Variants in NTNG1 observed in about 807,000 individuals in gnomAD.
NTNG1 encodes netrin-G1.
Under a neutral mutation model 54.0 loss-of-function variants are expected in NTNG1, and 16 were observed. The ratio of observed to expected loss-of-function variants is 0.30; its 90% CI spans 0.20 to 0.45. The LOEUF is 0.45. NTNG1 is among the 20% of genes least tolerant of loss of function. The pLI is 1.00. For synonymous variants in NTNG1, 255 were observed against 263.1 expected (o/e 0.97, Z 0.30); for missense variants, 530 against 678.7 (o/e 0.78, Z 2.43).
At chr1:107,290,031 A>G (rs552670166) in intron 2 of NTNG1, among the ~76,000 whole-genome samples, 1 of 152,262 alleles carries the variant, frequency 6.6e-6, no homozygotes, top group South Asian at 2.1e-4. Context: ...TTCTGTATTT[A>G]TTTCAACAAG....
chr1:107,382,747 GT>G (rs1280935756), intron 3 of NTNG1, among the ~76,000 whole-genome samples: 9 of 150,318 alleles, frequency 6.0e-5, no homozygotes, highest in South Asian at 2.1e-4. Flanking sequence ...TGGGTTTTTG[GT>G]TTTGTTTTCC....
chr1:107,385,561 T>C (rs1443720200), intron 3 of NTNG1, among the ~76,000 whole-genome samples: 1 of 151,468 alleles, frequency 6.6e-6, no homozygotes, highest in Non-Finnish European at 1.5e-5. Flanking sequence ...TACTGGTGAC[T>C]GTGTACCCAG....
intron 7 of NTNG1, 23 bp from the exon 8 acceptor site, chr1:107,480,588 C>CCCCA: frequency 2.7e-6 from 3 of 1,119,758 alleles, no homozygotes; most frequent in East Asian, 2.5e-5. Context: ...CCACCCACCC[C>CCCCA]TACCTTCCCC....
At chr1:107,389,651 C>T (rs561846699) in intron 3 of NTNG1, among the ~76,000 whole-genome samples, 108 of 152,292 alleles carry the variant, frequency 7.1e-4, no homozygotes, top group African/African-American at 2.5e-3. Flanking sequence ...CTTAGCGACA[C>T]CCTTATTTGG....
intron 2 of NTNG1, among the ~76,000 whole-genome samples, chr1:107,182,152 A>G (rs908456965): frequency 6.6e-6 from 1 of 152,208 alleles, no homozygotes; most frequent in Non-Finnish European, 1.5e-5. Context: ...ATTTGAATGC[A>G]TAAATGTATT....
intron 2 of NTNG1, among the ~76,000 whole-genome samples, chr1:107,151,637 A>G (rs560695690): frequency 1.3e-5 from 2 of 152,272 alleles, no homozygotes; most frequent in Admixed American, 1.3e-4. Context: ...AGAAATACCT[A>G]TAATTCCCAG....
intron 7 of NTNG1, among the ~76,000 whole-genome samples, chr1:107,475,442 A>G (rs751034323): frequency 6.6e-6 from 1 of 152,168 alleles, no homozygotes; most frequent in East Asian, 1.9e-4. Context: ...TATGCAAGCA[A>G]ATTACATAGC....
chr1:107,281,797 C>T (rs1664877585), intron 2 of NTNG1, among the ~76,000 whole-genome samples: 2 of 152,092 alleles, frequency 1.3e-5, no homozygotes, highest in African/African-American at 2.4e-5. Context: ...GAATGTAAAT[C>T]AACTAAGTTA....
intron 2 of NTNG1, among the ~76,000 whole-genome samples, chr1:107,227,657 G>GTC (rs1217808636): frequency 1.4e-5 from 2 of 141,362 alleles, no homozygotes; most frequent in Admixed American, 6.8e-5. Flanking sequence ...TTCTCAATCT[G>GTC]TCTCTCTCGC....
chr1:107,191,061 T>C (rs1657878828), intron 2 of NTNG1, among the ~76,000 whole-genome samples: 2 of 152,234 alleles, frequency 1.3e-5, no homozygotes, highest in South Asian at 2.1e-4. Context: ...AAAGTGTTCC[T>C]ATTTCTCCGC....
chr1:107,474,740 G>A lies in NTNG1; in HGVS notation c.1391-5871G>A, dbSNP rs114121635. 3.0e-3 allele frequency among the ~76,000 whole-genome samples: 450 copies of A among 152,288 alleles called. 1 individual carries two copies. The highest frequency in any genetic ancestry group is 9.8e-3 in the African/African-American group (408 of 41,572). ...CATGATTGAAGGGCAGAGAGAGAAA[G>A]AGGAAAAGAAAGGGTCAGCCCACCC... On this transcript the variant is annotated intron_variant, in intron 7 of 7. Coordinates refer to ENST00000370068, the MANE Select transcript of NTNG1 (RefSeq NM_001113226.3).
intron 3 of NTNG1, among the ~76,000 whole-genome samples, chr1:107,383,099 C>G (rs1299804832): frequency 6.6e-6 from 1 of 152,162 alleles, no homozygotes; most frequent in African/African-American, 2.4e-5. Context: ...AGTCATAGAG[C>G]TATTTACTCA....
chr1:107,465,112 G>A (rs958036375), intron 7 of NTNG1, among the ~76,000 whole-genome samples: 5 of 152,154 alleles, frequency 3.3e-5, no homozygotes, highest in Admixed American at 6.5e-5. Context: ...AGGCGTTAAT[G>A]AAAACCCAGG....
At chr1:107,259,784 T>A (rs538824564) in intron 2 of NTNG1, among the ~76,000 whole-genome samples, 4 of 152,336 alleles carry the variant, frequency 2.6e-5, no homozygotes, top group African/African-American at 9.6e-5. Flanking sequence ...ATGACATATA[T>A]CTTTCGCAGA....
At chr1:107,332,807 A>C (rs538388683) in intron 3 of NTNG1, among the ~76,000 whole-genome samples, 7 of 152,112 alleles carry the variant, frequency 4.6e-5, no homozygotes, top group Admixed American at 2.0e-4. Flanking sequence ...CACTTTTAGA[A>C]CTAAGTATAT....
intron 3 of NTNG1, among the ~76,000 whole-genome samples, chr1:107,385,683 A>G (rs1671920968): frequency 6.6e-6 from 1 of 151,922 alleles, no homozygotes; most frequent in South Asian, 2.1e-4. Context: ...TTTTGTAGGT[A>G]TCTTATTATC....
At chr1:107,418,970 A>G (rs1009372070) in intron 5 of NTNG1, among the ~76,000 whole-genome samples, 3 of 152,018 alleles carry the variant, frequency 2.0e-5, no homozygotes, top group African/African-American at 7.2e-5. Context: ...TGGCACAGGC[A>G]TCCTTTCAAT....
intron 2 of NTNG1, among the ~76,000 whole-genome samples, chr1:107,201,598 T>G (rs1658763832): frequency 6.6e-6 from 1 of 151,834 alleles, no homozygotes; most frequent in African/African-American, 2.4e-5. Context: ...TGATCACATA[T>G]TGTAGATGAT....
At chr1:107,227,017 G>GCT (rs1409291144) in intron 2 of NTNG1, among the ~76,000 whole-genome samples, 2 of 152,118 alleles carry the variant, frequency 1.3e-5, no homozygotes, top group Non-Finnish European at 2.9e-5. Context: ...CGAATACCCA[G>GCT]CTCTCCCATT....
Sources: allele counts gnomAD v4.1 joint callset (sites outside exome capture counted in the v4.1 genomes callset), GRCh38; gene constraint gnomAD v4.1.1; transcripts MANE v1.5; gene names NCBI Gene and HGNC (gene_info 2026-07-23, HGNC 2026-07-21).